Variants in BCAS3 observed in about 807,000 individuals in gnomAD.
The protein encoded by BCAS3 is BCAS3 microtubule associated cell migration factor.
In BCAS3, 53 loss-of-function variants were observed where a neutral mutation model predicts 116.1. That is an observed-to-expected ratio of 0.46 (90% CI 0.37 to 0.57). The LOEUF (loss-of-function observed/expected upper bound fraction) is 0.57. Among genes scored for constraint, BCAS3 ranks in the 20% least tolerant of loss-of-function variants. The pLI is 0.00. For synonymous variants in BCAS3, 391 were observed against 408.2 expected (o/e 0.96, Z 0.51); for missense variants, 917 against 1,165.4 (o/e 0.79, Z 3.10).
chr17:61,321,908 A>G (rs2055243364), intron 22 of BCAS3, among the ~76,000 whole-genome samples: 1 of 151,872 alleles, frequency 6.6e-6, no homozygotes, highest in African/African-American at 2.4e-5. Flanking sequence ...GTGGATACTA[A>G]CACCTATCCC....
At position 61,037,970 on chromosome 17, in the gene BCAS3, G is replaced by A. The variant is rs756844690; in HGVS notation, c.1844G>A (p.Arg615Gln). 5.0e-6 allele frequency: 8 copies of A among 1,614,034 alleles called. No individual in the cohort carries two copies. The highest frequency in any genetic ancestry group is 1.3e-5 in the African/African-American group (1 of 75,022). Residue 615 changes from arginine to glutamine, a missense_variant, in exon 18 of 24, where the codon CGA becomes CAA. By Grantham distance (43) the Arg-to-Gln change is conservative (BLOSUM62 1). Coordinates refer to ENST00000407086, the MANE Select transcript of BCAS3 (RefSeq NM_017679.5). The surrounding 1 kb of genome is among the most constrained non-coding windows in gnomAD (Gnocchi z 4.7). ...TTAGTGGAACACATGATGGAGCCGCGACCCCTCAGCACTGCACCCAAGATT... is the reference window on the plus strand; with the variant it reads ...TTAGTGGAACACATGATGGAGCCGCAACCCCTCAGCACTGCACCCAAGATT... ...GTLVEHMMEP[R>Q]PLSTAPKISD...
At chr17:60,771,940 T>C (rs2044754033) in intron 6 of BCAS3, among the ~76,000 whole-genome samples, 2 of 152,222 alleles carry the variant, frequency 1.3e-5, no homozygotes, top group Non-Finnish European at 2.9e-5. Flanking sequence ...CACGTTTTCT[T>C]AATCCAGTCT....
At chr17:60,882,622 G>T (rs1401465016) in intron 9 of BCAS3, among the ~76,000 whole-genome samples, 2 of 151,410 alleles carry the variant, frequency 1.3e-5, no homozygotes, top group Admixed American at 6.6e-5. Context: ...TTTTGTATAA[G>T]GTGTAAGGAA....
intron 22 of BCAS3, among the ~76,000 whole-genome samples, chr17:61,308,006 C>T (rs980455826): frequency 1.3e-5 from 2 of 152,164 alleles, no homozygotes; most frequent in Non-Finnish European, 2.9e-5. Flanking sequence ...AATAACCTTT[C>T]GTTTTATGTA....
intron 6 of BCAS3, among the ~76,000 whole-genome samples, chr17:60,798,279 C>T (rs908055982): frequency 2.6e-5 from 4 of 152,010 alleles, no homozygotes; most frequent in Non-Finnish European, 4.4e-5. Context: ...AACAATAATC[C>T]ACCATTTTAG....
Position 60,993,287 on chromosome 17 carries a change from G to GTTAAAGAGC in BCAS3, c.1486+3053_1486+3061dup, listed in dbSNP as rs1392621055. ...TTTCATCATTTGTGAAAGGACAGTAGTTAAAGAGCAATACTACTAGATTTC... is the reference window on the plus strand; with the variant it reads ...TTTCATCATTTGTGAAAGGACAGTAGTTAAAGAGCTTAAAGAGCAATACTACTAGATTTC... On this transcript the variant is annotated intron_variant, in intron 15 of 23. Transcript: ENST00000407086. The surrounding 1 kb of genome is among the most constrained non-coding windows in gnomAD (Gnocchi z 4.2). 6.6e-6 allele frequency among the ~76,000 whole-genome samples: 1 copy of GTTAAAGAGC among 152,182 alleles called. No individual in the cohort carries two copies. Among genetic ancestry groups the GTTAAAGAGC allele is most frequent in the South Asian group, 2.1e-4 (1 of 4,830 alleles).
chr17:60,759,747 C>G (rs747202499), intron 6 of BCAS3, among the ~76,000 whole-genome samples: 1 of 151,988 alleles, frequency 6.6e-6, no homozygotes, highest in Non-Finnish European at 1.5e-5. Context: ...TCACTGCCAC[C>G]TTGAACTCCT....
At chr17:61,027,737 T>C (rs1156884575) in intron 16 of BCAS3, among the ~76,000 whole-genome samples, 3 of 151,862 alleles carry the variant, frequency 2.0e-5, no homozygotes, top group Non-Finnish European at 4.4e-5. Flanking sequence ...TATTTCTTAT[T>C]TCCTTATGTA....
intron 22 of BCAS3, among the ~76,000 whole-genome samples, chr17:61,176,138 CAAAAAAAAAAA>C (rs534042215): frequency 4.0e-5 from 2 of 50,046 alleles, no homozygotes; most frequent in African/African-American, 6.6e-5. Context: ...GACCCTATCT[CAAAAAAAAAAA>C]AAAAAAAAAA....
chr17:60,895,454 T>A (rs2057447376), intron 10 of BCAS3, among the ~76,000 whole-genome samples: 1 of 152,190 alleles, frequency 6.6e-6, no homozygotes, highest in African/African-American at 2.4e-5. Context: ...CTTTCTTGGT[T>A]AATCTAGCTA....
chr17:60,975,511 T>C (rs1190861059), intron 14 of BCAS3, among the ~76,000 whole-genome samples: 2 of 152,270 alleles, frequency 1.3e-5, no homozygotes, highest in African/African-American at 2.4e-5. Context: ...GGCTAGTTAG[T>C]GTTCCTTTCA....
At chr17:61,042,908 A>G (rs1187264357) in intron 19 of BCAS3, among the ~76,000 whole-genome samples, 1 of 150,410 alleles carries the variant, frequency 6.6e-6, no homozygotes, top group South Asian at 2.1e-4. Context: ...AAAAAAAAAA[A>G]AAAAAAAGAA....
chr17:61,046,607 T>C (rs1260873383), intron 19 of BCAS3, among the ~76,000 whole-genome samples: 1 of 151,882 alleles, frequency 6.6e-6, no homozygotes, highest in Non-Finnish European at 1.5e-5. Flanking sequence ...TTGGGAATCA[T>C]GACAAGAAAA....
At chr17:60,812,251 A>G (rs181967540) in intron 7 of BCAS3, among the ~76,000 whole-genome samples, 5 of 152,254 alleles carry the variant, frequency 3.3e-5, no homozygotes, top group Admixed American at 2.0e-4. Context: ...GAGGGCTGCA[A>G]TTTAAACTGA....
intron 22 of BCAS3, among the ~76,000 whole-genome samples, chr17:61,133,628 C>A (rs750118366): frequency 4.6e-5 from 7 of 152,098 alleles, no homozygotes; most frequent in Non-Finnish European, 2.9e-5. Context: ...TTGATACACT[C>A]TCTTCCCAGT....
At chr17:60,841,730 T>C (rs1020117421) in intron 7 of BCAS3, among the ~76,000 whole-genome samples, 2 of 152,034 alleles carry the variant, frequency 1.3e-5, no homozygotes, top group African/African-American at 4.8e-5. Flanking sequence ...ATTTAACTGG[T>C]TCATTACCTT....
intron 10 of BCAS3, among the ~76,000 whole-genome samples, chr17:60,895,693 C>A (rs867250933): frequency 6.6e-6 from 1 of 152,088 alleles, no homozygotes; most frequent in African/African-American, 2.4e-5. Context: ...TGTAAACTTC[C>A]GTCAGCACAC....
At chr17:61,240,163 A>T (rs768201500) in intron 22 of BCAS3, among the ~76,000 whole-genome samples, 2 of 152,182 alleles carry the variant, frequency 1.3e-5, no homozygotes, top group African/African-American at 2.4e-5. Flanking sequence ...TGCCTGCTCT[A>T]TCATAGGCAC....
intron 13 of BCAS3, among the ~76,000 whole-genome samples, chr17:60,931,678 T>C (rs2059653586): frequency 6.6e-6 from 1 of 152,180 alleles, no homozygotes; most frequent in Non-Finnish European, 1.5e-5. Flanking sequence ...TTCCCCTTCC[T>C]CCTTCACCTT....
Sources: allele counts gnomAD v4.1 joint callset (sites outside exome capture counted in the v4.1 genomes callset), GRCh38; gene constraint gnomAD v4.1.1; non-coding constraint Gnocchi (gnomAD v3.1); transcripts MANE v1.5; gene names NCBI Gene and HGNC (gene_info 2026-07-23, HGNC 2026-07-21).